SHROOM2: variants seen among roughly 807,000 people sequenced by gnomAD.
SHROOM2 encodes shroom family member 2, also known as protein Shroom2.
A neutral mutation model predicts 75.9 loss-of-function variants in SHROOM2; 33 were observed. The ratio of observed to expected loss-of-function variants is 0.43; its 90% CI spans 0.33 to 0.58. The LOEUF (loss-of-function observed/expected upper bound fraction) is 0.58, where lower values mean the gene tolerates loss of function less well. Ranked by LOEUF, SHROOM2 falls within the 20% of genes least tolerant of loss-of-function variation. SHROOM2 has a pLI of 0.04. For synonymous variants in SHROOM2, 655 were observed against 663.6 expected, an observed-to-expected ratio of 0.99 and a Z score of 0.20; for missense variants, 1,434 against 1,461.2, an observed-to-expected ratio of 0.98 and a Z score of 0.30.
At chrX:9,884,293 G>A (rs2084247866) in intron 2 of SHROOM2, among the ~76,000 whole-genome samples, 1 of 109,787 alleles carries the variant, frequency 9.1e-6, no homozygotes, top group African/African-American at 3.3e-5. Context: ...TATTTGTCTT[G>A]GGAGGAGGTG....
chrX:9,896,588 C>T lies in SHROOM2; in HGVS notation c.2680C>T (p.Arg894Cys), dbSNP rs370597896. The part of the protein sequence containing the change: ...RKPLEARSSG[R>C]CHSADDILDV... Reference sequence around the variant, plus strand: ...ACCTCTGGAGGCCAGGAGCTCTGGGCGCTGCCACTCAGCGGATGACATCCT... The same window carrying T: ...ACCTCTGGAGGCCAGGAGCTCTGGGTGCTGCCACTCAGCGGATGACATCCT... The change falls in exon 4 of 10, where the codon CGC becomes TGC. Residue 894 changes from arginine (R) to cysteine (C), a missense_variant. Physicochemically the swap from Arg to Cys is radical, Grantham distance 180 (BLOSUM62 -3). Coordinates refer to ENST00000380913, the MANE Select transcript of SHROOM2 (RefSeq NM_001649.4). 5.0e-6 allele frequency: 6 copies of T among 1,208,767 alleles called. No homozygotes were observed. Among genetic ancestry groups the T allele is most frequent in the South Asian group, 1.8e-5 (1 of 56,495 alleles).
Position 9,932,169 on chromosome X carries a change from C to G in SHROOM2, c.2892-6C>G. 2 of 1,129,452 alleles carry G rather than the reference C, an allele frequency of 1.8e-6. No individual in the cohort carries two copies. Among genetic ancestry groups the G allele is most frequent in the Non-Finnish European group, 2.3e-6 (2 of 854,902 alleles). 93.1% of individuals were successfully genotyped at this position (1,129,452 alleles called of 1,213,427 possible). A position where few individuals can be genotyped will look rare whatever the true frequency, so the allele number is the denominator to read the frequency against. The stretch of plus-strand genomic sequence containing the variant: ...GTTGATTAATTTGTACTTGTTCTTC[C>G]TCTAGACAAGCAGATGCCCAGTGTC... On this transcript the variant is annotated splice_region_variant and splice_polypyrimidine_tract_variant and intron_variant, in intron 5 of 9. Transcript: ENST00000380913.
chrX:9,786,448 G>A lies in SHROOM2; in HGVS notation c.-98G>A. On this transcript the variant is annotated 5_prime_UTR_variant, in exon 1 of 10. Transcript: ENST00000380913. ...GCCGGCACTTTCTTTCCAAGTTACGGCGCAAGTTCTGCGGCGCTCGGAGCC... is the reference window on the plus strand; with the variant it reads ...GCCGGCACTTTCTTTCCAAGTTACGACGCAAGTTCTGCGGCGCTCGGAGCC... 1 of 678,432 alleles carries A rather than the reference G, an allele frequency of 1.5e-6. No homozygotes were observed. The highest frequency in any genetic ancestry group is 1.8e-6 in the Non-Finnish European group (1 of 549,181). The allele number at this position is 678,432 out of a possible 1,213,427, so 55.9% of individuals were successfully genotyped here. A position where few individuals can be genotyped will look rare whatever the true frequency, so the allele number is the denominator to read the frequency against.
chrX:9,817,529 C>T (rs1203372103), intron 1 of SHROOM2, among the ~76,000 whole-genome samples: 1 of 111,656 alleles, frequency 9.0e-6, no homozygotes, highest in Non-Finnish European at 1.9e-5. Flanking sequence ...GCAGTGCACA[C>T]GACTTCAAAG....
At chrX:9,884,976 G>A (rs1444564404) in intron 2 of SHROOM2, among the ~76,000 whole-genome samples, 5 of 111,955 alleles carry the variant, frequency 4.5e-5, no homozygotes, top group African/African-American at 1.6e-4. Flanking sequence ...TTGGGAGGCC[G>A]AGGTGGGAGG....
At chrX:9,827,537 T>C (rs1228933613) in intron 1 of SHROOM2, among the ~76,000 whole-genome samples, 1 of 109,790 alleles carries the variant, frequency 9.1e-6, no homozygotes. Flanking sequence ...ATTGGTTCTC[T>C]TTGGTTTGAG....
At chrX:9,796,475 G>T (rs1601910164) in intron 1 of SHROOM2, among the ~76,000 whole-genome samples, 2 of 110,845 alleles carry the variant, frequency 1.8e-5, no homozygotes, top group African/African-American at 6.6e-5. Context: ...TACATCTAAT[G>T]CCCAGCATCA....
intron 5 of SHROOM2, among the ~76,000 whole-genome samples, chrX:9,923,531 G>A (rs745826850): frequency 8.9e-6 from 1 of 112,362 alleles, no homozygotes; most frequent in Non-Finnish European, 1.9e-5. Flanking sequence ...ATTGCCTGGA[G>A]GGCTTTCCCT....
intron 1 of SHROOM2, among the ~76,000 whole-genome samples, chrX:9,838,057 G>GTTT (rs573554791): frequency 4.8e-4 from 36 of 75,759 alleles, no homozygotes; most frequent in Middle Eastern, 6.5e-3. Context: ...TGTGTGTGTG[G>GTTT]TTTTTTTTTT....
chrX:9,854,966 T>A (rs1481128515), intron 1 of SHROOM2, among the ~76,000 whole-genome samples: 2 of 110,815 alleles, frequency 1.8e-5, no homozygotes, highest in Non-Finnish European at 3.8e-5. Flanking sequence ...TCAGGGCATC[T>A]TTTTAAAGGA....
At position 9,891,845 on chromosome X, in the gene SHROOM2, TGTGA is replaced by T. The variant is rs757210144; in HGVS notation, c.449+740_449+743del. Reference sequence around the variant, plus strand: ...GCACATGTATATGTGTATGTGAGTGTGTGAGTATCAGTGAGCATGTTTGGTGTGT... The same window carrying T: ...GCACATGTATATGTGTATGTGAGTGTGTATCAGTGAGCATGTTTGGTGTGT... On this transcript the variant is annotated intron_variant, in intron 3 of 9. Coordinates refer to ENST00000380913, the MANE Select transcript of SHROOM2 (RefSeq NM_001649.4). 1.2e-3 allele frequency among the ~76,000 whole-genome samples: 134 copies of T among 108,120 alleles called. 1 individual carries two copies. Among genetic ancestry groups the T allele is most frequent in the Admixed American group, 3.2e-3 (32 of 9,997 alleles). 93.9% of individuals were successfully genotyped at this position (108,120 alleles called of 115,157 possible).
At chrX:9,910,225 G>A (rs1232878460) in intron 5 of SHROOM2, among the ~76,000 whole-genome samples, 1 of 110,691 alleles carries the variant, frequency 9.0e-6, no homozygotes, top group Non-Finnish European at 1.9e-5. Flanking sequence ...GGAGAACATT[G>A]ATTAAACAGA....
At position 9,891,116 on chromosome X, in the gene SHROOM2, C is replaced by G. The variant is rs1440541672; in HGVS notation, c.449+8C>G. On this transcript the variant is annotated splice_region_variant and intron_variant, in intron 3 of 9. Coordinates refer to ENST00000380913, the MANE Select transcript of SHROOM2 (RefSeq NM_001649.4). ...CGGCCGACACCACGCGAGGTAGGCA[C>G]CCATTCCCGTCCAGGATGCCAGGTT... 45 of 1,201,166 alleles carry G rather than the reference C, an allele frequency of 3.7e-5. No homozygotes were observed. Among genetic ancestry groups the G allele is most frequent in the Non-Finnish European group, 4.9e-5 (44 of 890,225 alleles).
chrX:9,894,749 A>G lies in SHROOM2; in HGVS notation c.841A>G (p.Arg281Gly). Residue 281 changes from arginine to glycine, a missense_variant, in exon 4 of 10, where the codon AGG (arginine) becomes GGG (glycine). This residue lies in a region of SHROOM2 where 1,340 missense variants were observed against 1,338.3 expected (regional missense o/e 1.00). Transcript: ENST00000380913. ...CCCCGGTGACAGCGGCAAAGGCCCC[A>G]GGCCAGAGTACAATGCCGAGCCCAA... is the stretch of plus-strand genomic sequence containing the variant. The part of the protein sequence containing the change: ...RVPGDSGKGP[R>G]PEYNAEPKLA... The G allele has an allele frequency of 8.3e-7, 1 of 1,211,350 alleles. No individual in the cohort carries two copies. Among genetic ancestry groups the G allele is most frequent in the Non-Finnish European group, 1.1e-6 (1 of 895,282 alleles).
At chrX:9,809,369 G>C (rs954410770) in intron 1 of SHROOM2, among the ~76,000 whole-genome samples, 1 of 110,854 alleles carries the variant, frequency 9.0e-6, no homozygotes, top group Non-Finnish European at 1.9e-5. Context: ...ACCAGATTGA[G>C]GGCAGATCTG....
chrX:9,895,857 T>C lies in SHROOM2; in HGVS notation c.1949T>C (p.Leu650Pro). The change falls in exon 4 of 10, where the codon CTG becomes CCG. Residue 650 changes from leucine to proline, a missense_variant. Transcript: ENST00000380913. ...KLQKSRSTVALTAAGEAEDGT... is the reference protein window; with the variant it reads ...KLQKSRSTVAPTAAGEAEDGT... The stretch of plus-strand genomic sequence containing the variant: ...CAGAAGAGCCGGAGCACAGTGGCTC[T>C]GACTGCAGCAGGGGAGGCGGAGGAT... 1.7e-6 allele frequency: 2 copies of C among 1,204,971 alleles called. No homozygotes were observed. Among genetic ancestry groups the C allele is most frequent in the Non-Finnish European group, 2.2e-6 (2 of 892,222 alleles).
At chrX:9,906,624 G>A (rs562768747) in intron 5 of SHROOM2, among the ~76,000 whole-genome samples, 17 of 111,486 alleles carry the variant, frequency 1.5e-4, no homozygotes, top group South Asian at 1.1e-3. Context: ...GTGAAACCCC[G>A]TCTCTACTAA....
chrX:9,792,153 A>C (rs1249133736), intron 1 of SHROOM2, among the ~76,000 whole-genome samples: 1 of 26,978 alleles, frequency 3.7e-5, no homozygotes, highest in South Asian at 1.1e-3. Context: ...ATAGAATAGA[A>C]TAGAATAATC....
chrX:9,823,069 C>CT (rs2083865228), intron 1 of SHROOM2, among the ~76,000 whole-genome samples: 1 of 62,348 alleles, frequency 1.6e-5, no homozygotes, highest in East Asian at 5.3e-4. Context: ...CCTCCTCCTC[C>CT]TCCTCCCTTC....
Sources: gnomAD v4.1 joint callset for allele counts (sites outside exome capture counted in the v4.1 genomes callset) on GRCh38, gnomAD v4.1.1 for gene constraint, gnomAD v4.1.1 regional missense constraint, MANE v1.5 for transcripts, NCBI Gene and HGNC (gene_info 2026-07-23, HGNC 2026-07-21) for gene names.